The following COMMD6 variants were observed in gnomAD, a reference collection of about 807,000 sequenced individuals.
COMMD6 encodes the protein COMM domain-containing protein 6.
A neutral mutation model predicts 13.4 loss-of-function variants in COMMD6; 11 were observed. The ratio of observed to expected loss-of-function variants is 0.82; its 90% CI spans 0.52 to 1.36. COMMD6 has a LOEUF of 1.36. Among genes scored for constraint, COMMD6 ranks in the 40% most tolerant of loss-of-function variants. The pLI is 0.00. For synonymous variants in COMMD6, 43 were observed against 36.5 expected (o/e 1.18, Z -0.64); for missense variants, 124 against 102.4 (o/e 1.21, Z -0.91).
chr13:75,539,579 A>G (rs1593961502), upstream of COMMD6, among the ~76,000 whole-genome samples: 3 of 152,292 alleles, frequency 2.0e-5, no homozygotes, highest in Admixed American at 2.0e-4. Context: ...AATTTTAATT[A>G]TATTTATAAA....
chr13:75,541,635 ATT>A (rs1441324654), upstream of COMMD6, among the ~76,000 whole-genome samples: 1 of 151,888 alleles, frequency 6.6e-6, no homozygotes, highest in African/African-American at 2.4e-5. Context: ...GAGTTGTGTG[ATT>A]GGTAGAGTCA....
chr13:75,527,104 T>C (rs758771166), intron 3 of COMMD6, among the ~76,000 whole-genome samples: 1 of 152,228 alleles, frequency 6.6e-6, no homozygotes, highest in Non-Finnish European at 1.5e-5. Flanking sequence ...TTTATTTCTC[T>C]GTCATTTAAA....
chr13:75,537,575 G>A, intron 2 of COMMD6, 89 bp downstream of exon 2: 3 of 1,595,834 alleles, frequency 1.9e-6, no homozygotes, highest in Non-Finnish European at 1.7e-6. Flanking sequence ...CAGGACTAGG[G>A]GAGACCTGGG....
chr13:75,547,048 C>T (rs1430390464), intron 1 of COMMD6, among the ~76,000 whole-genome samples: 1 of 152,186 alleles, frequency 6.6e-6, no homozygotes, highest in African/African-American at 2.4e-5. Flanking sequence ...CTACAGCCAA[C>T]AGCACTGTAA....
intron 2 of COMMD6, among the ~76,000 whole-genome samples, chr13:75,530,925 T>A (rs1368204711): frequency 6.6e-6 from 1 of 152,232 alleles, no homozygotes; most frequent in Non-Finnish European, 1.5e-5. Context: ...CTAATTCCTG[T>A]CAATGATTGT....
intron 2 of COMMD6, among the ~76,000 whole-genome samples, chr13:75,534,910 G>C (rs1371122969): frequency 6.6e-6 from 1 of 152,170 alleles, no homozygotes; most frequent in Non-Finnish European, 1.5e-5. Context: ...TATATACTAA[G>C]CAATACTATA....
chr13:75,543,401 C>T (rs2030855960), upstream of COMMD6, among the ~76,000 whole-genome samples: 1 of 152,166 alleles, frequency 6.6e-6, no homozygotes, highest in Non-Finnish European at 1.5e-5. Flanking sequence ...CAAATAGTTT[C>T]CAGAAGGAAC....
At chr13:75,537,476 T>C in intron 2 of COMMD6, 188 bp downstream of exon 2, 1 of 1,552,678 alleles carries the variant, frequency 6.4e-7, no homozygotes, top group Non-Finnish European at 8.7e-7. Flanking sequence ...AAGAGGAGCT[T>C]TCATTACAAT....
At position 75,526,594 on chromosome 13, in the gene COMMD6, C is replaced by A; in HGVS notation, c.253G>T (p.Val85Leu). 6.2e-7 allele frequency: 1 copy of A among 1,603,486 alleles called. No individual in the cohort carries two copies. Among genetic ancestry groups the A allele is most frequent in the Non-Finnish European group, 8.5e-7 (1 of 1,173,170 alleles). Residue 85 changes from valine to leucine, a missense_variant, in exon 4 of 4, where the codon GTG becomes TTG. Val to Leu is a conservative substitution (Grantham distance 32). Coordinates refer to ENST00000682242, the MANE Select transcript of COMMD6 (RefSeq NM_203495.4). ...FKEIAAVIET[V>L] ...ATCAACCAAAGAATCCGTCTTCACA[C>A]CGTTTCAATAACTGCAGCAATTTCC...
intron 3 of COMMD6, chr13:75,527,778 CACTT>C: frequency 7.0e-7 from 1 of 1,433,002 alleles, no homozygotes; most frequent in Non-Finnish European, 9.2e-7. Flanking sequence ...TGCGTGATCT[CACTT>C]ATATGTGGAA....
At chr13:75,532,137 G>A (rs2030502221) in intron 2 of COMMD6, among the ~76,000 whole-genome samples, 1 of 152,206 alleles carries the variant, frequency 6.6e-6, no homozygotes, top group Non-Finnish European at 1.5e-5. Flanking sequence ...AGAGAAGTGG[G>A]CATTGATTGA....
At chr13:75,534,343 G>A (rs779757221) in intron 2 of COMMD6, among the ~76,000 whole-genome samples, 2 of 152,156 alleles carry the variant, frequency 1.3e-5, no homozygotes, top group South Asian at 2.1e-4. Flanking sequence ...GTGAGGAAAC[G>A]GAGAGCTGCC....
chr13:75,540,967 T>C (rs549732877), upstream of COMMD6, among the ~76,000 whole-genome samples: 1 of 152,326 alleles, frequency 6.6e-6, no homozygotes, highest in East Asian at 1.9e-4. Context: ...CCAAGAGATA[T>C]GCAGTTGTCC....
At chr13:75,530,028 GT>G in intron 3 of COMMD6, 85 bp downstream of exon 3, 1 of 1,091,442 alleles carries the variant, frequency 9.2e-7, no homozygotes, top group South Asian at 1.5e-5. Flanking sequence ...AACCATTAAA[GT>G]TTTCCCGTAG....
At chr13:75,529,935 T>C (rs1201403266) in intron 3 of COMMD6, 179 bp downstream of exon 3, 1 of 548,558 alleles carries the variant, frequency 1.8e-6, no homozygotes, top group Non-Finnish European at 3.2e-6. Context: ...TTGAAAATAA[T>C]TTATCAAATT....
intron 3 of COMMD6, among the ~76,000 whole-genome samples, chr13:75,528,203 GA>G (rs2030337989): frequency 2.6e-5 from 4 of 151,586 alleles, no homozygotes; most frequent in South Asian, 4.2e-4. Context: ...TAAAGCTGGG[GA>G]AAAAAAGTTA....
At chr13:75,540,338 A>ACACC (rs1447347006), upstream of COMMD6, among the ~76,000 whole-genome samples, 92 of 81,668 alleles carry the variant, frequency 1.1e-3, 1 homozygote, top group East Asian at 6.8e-3. Flanking sequence ...ACACACACAC[A>ACACC]CACACCCACA....
At chr13:75,531,365 G>T (rs987662466) in intron 2 of COMMD6, among the ~76,000 whole-genome samples, 2 of 152,088 alleles carry the variant, frequency 1.3e-5, no homozygotes, top group Admixed American at 6.6e-5. Flanking sequence ...TCTATTTTAG[G>T]ACTTTTGGGG....
At chr13:75,537,507 G>A (rs2030713256) in intron 2 of COMMD6, 157 bp downstream of exon 2, 3 of 1,561,978 alleles carry the variant, frequency 1.9e-6, no homozygotes, top group Middle Eastern at 1.7e-4. Flanking sequence ...ACCGGCTCAG[G>A]TGCAAAAGAG....
Sources: gnomAD v4.1 joint callset for allele counts (sites outside exome capture counted in the v4.1 genomes callset) on GRCh38, gnomAD v4.1.1 for gene constraint, MANE v1.5 for transcripts, NCBI Gene and HGNC (gene_info 2026-07-23, HGNC 2026-07-21) for gene names.